ANKRD30BL: variants seen among roughly 807,000 people sequenced by gnomAD.
ANKRD30BL encodes the protein ankyrin repeat domain 30B like.
ANKRD30BL carries 20 observed loss-of-function variants against 18.4 expected under a neutral mutation model. The observed-to-expected ratio is 1.09, with a 90% CI of 0.77 to 1.58. The LOEUF (loss-of-function observed/expected upper bound fraction) is 1.58, where lower values mean the gene tolerates loss of function less well. ANKRD30BL is among the 40% of genes most tolerant of loss of function. ANKRD30BL has a pLI of 0.00. For missense variants in ANKRD30BL, 224 were observed against 268.6 expected (o/e 0.83, Z 1.16); for synonymous variants, 72 against 100.9 (o/e 0.71, Z 1.72).
At chr2:132,223,323 T>C (rs918500614) in intron 1 of ANKRD30BL, among the ~76,000 whole-genome samples, 1 of 152,092 alleles carries the variant, frequency 6.6e-6, no homozygotes, top group African/African-American at 2.4e-5. Context: ...AACTTCTTTG[T>C]GATGTGTGCC....
chr2:132,221,852 C>T (rs1384891948), intron 1 of ANKRD30BL, among the ~76,000 whole-genome samples: 1 of 108,320 alleles, frequency 9.2e-6, no homozygotes, highest in Non-Finnish European at 1.8e-5. Context: ...CCAGCCGCCC[C>T]GTCCGGGAGG....
At chr2:132,227,530 C>A (rs1371358270) in intron 1 of ANKRD30BL, among the ~76,000 whole-genome samples, 1 of 151,456 alleles carries the variant, frequency 6.6e-6, no homozygotes, top group Non-Finnish European at 1.5e-5. Flanking sequence ...TGAGACCCTC[C>A]TTGGAAACGG....
In ANKRD30BL at chr2:132,247,958, G is replaced by T. The variant is rs145297574; in HGVS notation, n.441+9571C>A. ...CCTATTTCACCTTAGTCCTCAAAGG[G>T]CTGACAAATATCCCTTTACAGATTC... On this transcript the variant is annotated intron_variant and non_coding_transcript_variant, in intron 1 of 4. Coordinates refer to the ANKRD30BL transcript ENST00000470729. 5.3e-5 allele frequency among the ~76,000 whole-genome samples: 8 copies of T among 151,854 alleles called. No individual in the cohort carries two copies. In the South Asian group the frequency reaches 1.7e-3, roughly 32 times the overall value.
intron 1 of ANKRD30BL, among the ~76,000 whole-genome samples, chr2:132,221,966 G>A (rs1428018249): frequency 6.7e-5 from 9 of 134,748 alleles, no homozygotes; most frequent in Admixed American, 1.4e-4. Flanking sequence ...GGAGGTGAGG[G>A]GCGCCTCTGC....
At chr2:132,187,190 T>G (rs1368799650) in intron 1 of ANKRD30BL, among the ~76,000 whole-genome samples, 5 of 124,112 alleles carry the variant, frequency 4.0e-5, no homozygotes, top group Non-Finnish European at 7.8e-5. Flanking sequence ...TTTTGTTTGT[T>G]TTTTTTTTTT....
chr2:132,245,420 C>T (rs958066226), intron 1 of ANKRD30BL, among the ~76,000 whole-genome samples: 1 of 150,238 alleles, frequency 6.7e-6, no homozygotes, highest in African/African-American at 2.4e-5. Context: ...GCTTTGAGGC[C>T]TATGGAGAAA....
Position 132,161,531 on chromosome 2 carries a change from T to C in ANKRD30BL, c.175A>G (p.Lys59Glu). Reference protein sequence around the residue: ...GQAWKLERMMKKTTMDLNIRD... With the variant: ...GQAWKLERMMEKTTMDLNIRD... ...ATGTTCAGGTCCATTGTCGTCTTCTTCATCATCCTCTCCAGCTTCCAGGCT... is the reference window on the plus strand; with the variant it reads ...ATGTTCAGGTCCATTGTCGTCTTCTCCATCATCCTCTCCAGCTTCCAGGCT... Residue 59 changes from lysine to glutamate, a missense_variant, in exon 1 of 6, where the codon AAG becomes GAG. Around this residue, in one of 3 missense-constraint regions of ANKRD30BL, gnomAD observed 131 missense variants for 128.8 expected, o/e 1.02. Coordinates refer to ENST00000409867, the MANE Select transcript of ANKRD30BL (RefSeq NM_001358416.1). 1 of 1,456,766 alleles carries C rather than the reference T, an allele frequency of 6.9e-7. No homozygotes were observed. The allele number at this position is 1,456,766 out of a possible 1,614,324, so 90.2% of individuals were successfully genotyped here. A position where few individuals can be genotyped will look rare whatever the true frequency, so the allele number is the denominator to read the frequency against.
At chr2:132,199,355 T>C (rs866069038) in intron 1 of ANKRD30BL, among the ~76,000 whole-genome samples, 1 of 151,846 alleles carries the variant, frequency 6.6e-6, no homozygotes, top group Non-Finnish European at 1.5e-5. Flanking sequence ...CAAGACTCCG[T>C]CTCAAATAAA....
chr2:132,168,350 T>A (rs1424691696), intron 1 of ANKRD30BL, among the ~76,000 whole-genome samples: 1 of 152,192 alleles, frequency 6.6e-6, no homozygotes, highest in Non-Finnish European at 1.5e-5. Flanking sequence ...GTATTTTGAA[T>A]AATGGCCTTT....
intron 1 of ANKRD30BL, among the ~76,000 whole-genome samples, chr2:132,239,972 G>A (rs925459477): frequency 6.6e-5 from 10 of 151,640 alleles, no homozygotes; most frequent in African/African-American, 1.9e-4. Context: ...CGTTGGAAAC[G>A]GGAATATCTT....
At chr2:132,207,530 G>A (rs4117370) in intron 1 of ANKRD30BL, among the ~76,000 whole-genome samples, 2 of 151,976 alleles carry the variant, frequency 1.3e-5, no homozygotes, top group Non-Finnish European at 2.9e-5. Context: ...ATTGGTAGAA[G>A]TATTTTTTAC....
chr2:132,231,671 C>A lies in ANKRD30BL; in HGVS notation n.441+25858G>T, dbSNP rs187755691. ...CACACCACGAGATTATATCCCGCAC[C>A]TGGCTCGGAGGGTCCTACACCCACG... is the stretch of plus-strand genomic sequence containing the variant. On this transcript the variant is annotated intron_variant and non_coding_transcript_variant, in intron 1 of 4. Transcript: ENST00000470729. Among the ~76,000 whole-genome samples the A allele has an allele frequency of 6.6e-5, 10 of 152,314 alleles. No homozygotes were observed. The East Asian group carries it at 1.7e-3, about 27-fold the overall frequency.
chr2:132,196,646 T>C lies in ANKRD30BL; in HGVS notation n.442-39500A>G, dbSNP rs535009301. Among the ~76,000 whole-genome samples, 11 of 151,454 alleles carry C rather than the reference T, an allele frequency of 7.3e-5. No individual in the cohort carries two copies. The South Asian group carries it at 2.3e-3, about 32-fold the overall frequency. On this transcript the variant is annotated intron_variant and non_coding_transcript_variant, in intron 1 of 4. Coordinates refer to the ANKRD30BL transcript ENST00000470729. ...ACTAAAAATTCAAAAATTAGCCAAG[T>C]GTGGTGGCGCATGCCTGTAATTCCA...
chr2:132,243,704 T>G (rs1484340277), intron 1 of ANKRD30BL, among the ~76,000 whole-genome samples: 1 of 151,654 alleles, frequency 6.6e-6, no homozygotes. Flanking sequence ...TTTTGACTGC[T>G]TTGACGTTTT....
chr2:132,249,528 C>T (rs571997958), intron 1 of ANKRD30BL, among the ~76,000 whole-genome samples: 3 of 152,112 alleles, frequency 2.0e-5, no homozygotes, highest in Non-Finnish European at 4.4e-5. Context: ...GCAGATTCTA[C>T]AAGAAGACTG....
chr2:132,222,079 G>A (rs1241690265), intron 1 of ANKRD30BL, among the ~76,000 whole-genome samples: 2 of 146,912 alleles, frequency 1.4e-5, no homozygotes, highest in African/African-American at 5.2e-5. Context: ...CGTCCGGGAG[G>A]GAGGTCGGGG....
upstream of ANKRD30BL, among the ~76,000 whole-genome samples, chr2:132,165,088 CA>C (rs59683141): frequency 1.3e-5 from 2 of 150,506 alleles, no homozygotes; most frequent in Non-Finnish European, 3.0e-5. Context: ...AAAAAACAAA[CA>C]AAAAAAAACG....
At chr2:132,211,240 A>G (rs1400748997) in intron 1 of ANKRD30BL, among the ~76,000 whole-genome samples, 1 of 152,182 alleles carries the variant, frequency 6.6e-6, no homozygotes, top group African/African-American at 2.4e-5. Flanking sequence ...TAAAAACTAG[A>G]CAGAAGCATT....
At chr2:132,247,046 T>G (rs574481774) in intron 1 of ANKRD30BL, among the ~76,000 whole-genome samples, 88 of 151,854 alleles carry the variant, frequency 5.8e-4, no homozygotes, top group Non-Finnish European at 1.1e-3. Context: ...TCTCACAGAG[T>G]TGAACATTCC....
Sources: gnomAD v4.1 joint callset for allele counts (sites outside exome capture counted in the v4.1 genomes callset) on GRCh38, gnomAD v4.1.1 for gene constraint, gnomAD v4.1.1 regional missense constraint, MANE v1.5 for transcripts, NCBI Gene and HGNC (gene_info 2026-07-23, HGNC 2026-07-21) for gene names.